The following MMADHC variants were observed in gnomAD, a reference collection of about 807,000 sequenced individuals.
The protein encoded by MMADHC is cobalamin trafficking protein CblD.
In MMADHC, 23 loss-of-function variants were observed where a neutral mutation model predicts 36.3. The observed-to-expected ratio is 0.63, with a 90% CI of 0.46 to 0.90. MMADHC has a LOEUF of 0.90. MMADHC is among the 40% of genes least tolerant of loss of function. MMADHC has a pLI of 0.00. For synonymous variants in MMADHC, 97 were observed against 116.1 expected (o/e 0.84, Z 1.06); for missense variants, 330 against 348.0 (o/e 0.95, Z 0.41).
At chr2:149,580,923 C>T (rs939760794) in intron 3 of MMADHC, among the ~76,000 whole-genome samples, 3 of 152,180 alleles carry the variant, frequency 2.0e-5, no homozygotes, top group African/African-American at 7.2e-5. Context: ...TTCTAACAAG[C>T]TCCTAAATGA....
intron 4 of MMADHC, among the ~76,000 whole-genome samples, chr2:149,577,705 A>G (rs891356936): frequency 2.0e-5 from 3 of 152,142 alleles, no homozygotes; most frequent in African/African-American, 7.2e-5. Flanking sequence ...GATTATTACT[A>G]TCCTCATGTG....
At chr2:149,575,888 A>C (rs1237042742) in intron 5 of MMADHC, 47 bp from the exon 6 acceptor site, 1 of 1,456,040 alleles carries the variant, frequency 6.9e-7, no homozygotes, top group East Asian at 2.4e-5. Context: ...TTTGATTTTT[A>C]AAGAACAAAT....
At chr2:149,585,577 G>C (rs1329240807) in intron 2 of MMADHC, among the ~76,000 whole-genome samples, 1 of 152,164 alleles carries the variant, frequency 6.6e-6, no homozygotes, top group Non-Finnish European at 1.5e-5. Flanking sequence ...GGCAGTATTG[G>C]ATTCACATAA....
At position 149,582,262 on chromosome 2, in the gene MMADHC, T is replaced by A. The variant is rs1395336239; in HGVS notation, c.19A>T (p.Asn7Tyr). ...AGATAGGAAACCAGTCTGGCTCTGT[T>A]ACAAAGCACCTAGAAATGACACAAA... MANVLC[N>Y]RARLVSYLPG... is the part of the protein sequence containing the mutation. Residue 7 changes from asparagine (N) to tyrosine (Y), a missense_variant, in exon 3 of 8, where the codon AAC (asparagine) becomes TAC (tyrosine). Asn to Tyr is a moderately radical substitution (Grantham distance 143, BLOSUM62 -2). Transcript: ENST00000303319. 6.2e-7 allele frequency: 1 copy of A among 1,613,722 alleles called. No homozygotes were observed.
Position 149,569,836 on chromosome 2 carries a change from T to G in MMADHC, c.*138A>C, listed in dbSNP as rs1268232204. ...TTGCAATTTTAAAATCCCAAATCAC[T>G]TGCCAATGTTGTAAATTCATAAATG... On this transcript the variant is annotated 3_prime_UTR_variant, in exon 8 of 8. Transcript: ENST00000303319. The G allele has an allele frequency of 5.1e-6, 4 of 784,768 alleles. No homozygotes were observed. Among genetic ancestry groups the G allele is most frequent in the Non-Finnish European group, 8.1e-6 (4 of 492,534 alleles). 48.6% of individuals were successfully genotyped at this position (784,768 alleles called of 1,614,324 possible). A position where few individuals can be genotyped will look rare whatever the true frequency, so the allele number is the denominator to read the frequency against.
At chr2:149,579,688 G>A in intron 3 of MMADHC, 40 bp from the exon 4 acceptor site, 1 of 1,512,940 alleles carries the variant, frequency 6.6e-7, no homozygotes, top group Non-Finnish European at 9.2e-7. Context: ...CTCCTTAATA[G>A]TCAAGTATAT....
intron 4 of MMADHC, among the ~76,000 whole-genome samples, chr2:149,577,236 T>C (rs777109216): frequency 1.3e-4 from 20 of 152,304 alleles, no homozygotes; most frequent in Middle Eastern, 3.4e-3. Flanking sequence ...ATGGTGATAT[T>C]TGAGCTACAA....
intron 2 of MMADHC, among the ~76,000 whole-genome samples, chr2:149,585,785 CA>C (rs1233938633): frequency 6.6e-6 from 1 of 152,166 alleles, no homozygotes; most frequent in Non-Finnish European, 1.5e-5. Flanking sequence ...ATTTACAATC[CA>C]TATAAATTAA....
At chr2:149,582,066 A>C in intron 3 of MMADHC, 61 bp downstream of exon 3, 3 of 1,584,640 alleles carry the variant, frequency 1.9e-6, no homozygotes, top group Non-Finnish European at 1.7e-6. Flanking sequence ...ATATTAGAGG[A>C]AAATACAACT....
At chr2:149,580,825 C>A (rs543624123) in intron 3 of MMADHC, among the ~76,000 whole-genome samples, 12 of 152,242 alleles carry the variant, frequency 7.9e-5, no homozygotes, top group African/African-American at 2.9e-4. Context: ...CCCTCAAACT[C>A]TAAAGATGTA....
intron 3 of MMADHC, among the ~76,000 whole-genome samples, chr2:149,580,036 C>G (rs538224336): frequency 6.6e-6 from 1 of 152,244 alleles, no homozygotes; most frequent in South Asian, 2.1e-4. Flanking sequence ...CCCATATTCA[C>G]GTATTGTTTT....
chr2:149,584,095 C>CT (rs1682830285), intron 2 of MMADHC, among the ~76,000 whole-genome samples: 1 of 152,132 alleles, frequency 6.6e-6, no homozygotes, highest in African/African-American at 2.4e-5. Flanking sequence ...AATTATTTGG[C>CT]TTTTTACTTA....
At chr2:149,577,221 T>C (rs941207702) in intron 4 of MMADHC, among the ~76,000 whole-genome samples, 3 of 152,222 alleles carry the variant, frequency 2.0e-5, no homozygotes, top group African/African-American at 7.2e-5. Context: ...CAGGAAATGA[T>C]TGAAATGGTG....
chr2:149,576,340 A>G, intron 5 of MMADHC, 97 bp downstream of exon 5: 6 of 848,694 alleles, frequency 7.1e-6, no homozygotes, highest in South Asian at 2.8e-5. Flanking sequence ...GTAAAATATA[A>G]TATTAAGGTA....
At chr2:149,586,541 A>C (rs1451036154) in intron 2 of MMADHC, among the ~76,000 whole-genome samples, 2 of 152,220 alleles carry the variant, frequency 1.3e-5, no homozygotes, top group Non-Finnish European at 2.9e-5. Context: ...TTCTAAAAAA[A>C]ATTATTACTT....
At chr2:149,585,005 G>T (rs886100382) in intron 2 of MMADHC, among the ~76,000 whole-genome samples, 1 of 148,380 alleles carries the variant, frequency 6.7e-6, no homozygotes, top group Non-Finnish European at 1.5e-5. Flanking sequence ...TCCCGCCATT[G>T]CACTCCGGCC....
At chr2:149,571,779 C>CAAAAAAAAAAG (rs1413278066) in intron 6 of MMADHC, among the ~76,000 whole-genome samples, 2 of 57,612 alleles carry the variant, frequency 3.5e-5, no homozygotes, top group African/African-American at 9.2e-5. Context: ...GACTCCATCT[C>CAAAAAAAAAAG]AAAAAAAAAA....
intron 6 of MMADHC, among the ~76,000 whole-genome samples, chr2:149,573,790 C>T (rs1682677365): frequency 6.6e-6 from 1 of 151,910 alleles, no homozygotes; most frequent in African/African-American, 2.4e-5. Flanking sequence ...ACAGATGTGT[C>T]ATACATAAAC....
intron 2 of MMADHC, chr2:149,586,794 C>G: frequency 5.0e-6 from 2 of 403,812 alleles, no homozygotes; most frequent in South Asian, 9.1e-5. Context: ...TAAAAAAGGG[C>G]CTAAACATAG....
Sources: allele counts gnomAD v4.1 joint callset (sites outside exome capture counted in the v4.1 genomes callset), GRCh38; gene constraint gnomAD v4.1.1; transcripts MANE v1.5; gene names NCBI Gene and HGNC (gene_info 2026-07-23, HGNC 2026-07-21).